LRRFIP2: variants seen among roughly 807,000 people sequenced by gnomAD.
LRRFIP2 encodes leucine-rich repeat flightless-interacting protein 2.
In LRRFIP2, 109 loss-of-function variants were observed where a neutral mutation model predicts 125.9. The observed-to-expected ratio is 0.87, with a 90% confidence interval of 0.74 to 1.01. The LOEUF is 1.01. LRRFIP2 is among the 50% of genes least tolerant of loss of function. The pLI is 0.00. For missense variants in LRRFIP2, 850 were observed against 862.3 expected, an observed-to-expected ratio of 0.99 and a Z score of 0.18; for synonymous variants, 291 against 293.1, an observed-to-expected ratio of 0.99 and a Z score of 0.07.
chr3:37,083,463 TAA>T (rs1044439398), intron 19 of LRRFIP2, among the ~76,000 whole-genome samples, 171 bp downstream of exon 19: 1 of 152,064 alleles, frequency 6.6e-6, no homozygotes, highest in Non-Finnish European at 1.5e-5. Context: ...TTTTTTTAAA[TAA>T]AAAAAGAGTC....
intron 25 of LRRFIP2, among the ~76,000 whole-genome samples, chr3:37,056,837 A>G (rs2087029496): frequency 2.0e-5 from 3 of 152,154 alleles, no homozygotes; most frequent in Admixed American, 2.0e-4. Flanking sequence ...GCCCTAAAAC[A>G]AGCTTCAGGA....
At chr3:37,091,192 A>G (rs758807204) in intron 18 of LRRFIP2, among the ~76,000 whole-genome samples, 76 of 151,938 alleles carry the variant, frequency 5.0e-4, no homozygotes, top group Non-Finnish European at 7.6e-4. Context: ...CCTGGGCAAC[A>G]CAGTAAGATC....
rs117118264 is a variant in LRRFIP2, at chr3:37,125,271, A to G, written c.228+2359T>C. Among the ~76,000 whole-genome samples, 95 of 152,302 alleles carry G rather than the reference A, an allele frequency of 6.2e-4. 4 individuals are homozygous for G. The East Asian group carries it at 0.017, about 28-fold the overall frequency. ...TTCCTTCAGTTTCAAATTAGAAGGA[A>G]CTTCAAAAACCGTATTTACTCTTCA... is the stretch of plus-strand genomic sequence containing the variant. On this transcript the variant is annotated intron_variant, in intron 4 of 27. Coordinates refer to ENST00000336686, the MANE Select transcript of LRRFIP2 (RefSeq NM_006309.4).
At chr3:37,173,652 T>C (rs911377454) in intron 1 of LRRFIP2, among the ~76,000 whole-genome samples, 9 of 152,172 alleles carry the variant, frequency 5.9e-5, no homozygotes, top group African/African-American at 2.2e-4. Context: ...CAGAAGAATT[T>C]TATTTCCTTC....
chr3:37,107,108 C>G (rs975243482), intron 13 of LRRFIP2, among the ~76,000 whole-genome samples: 2 of 151,920 alleles, frequency 1.3e-5, no homozygotes, highest in African/African-American at 2.4e-5. Context: ...TTCACCATGT[C>G]GGTCAGGCTA....
At chr3:37,087,733 C>G (rs1237532128) in intron 18 of LRRFIP2, among the ~76,000 whole-genome samples, 1 of 152,106 alleles carries the variant, frequency 6.6e-6, no homozygotes, top group Non-Finnish European at 1.5e-5. Flanking sequence ...GGATTATAGG[C>G]TCCCGCCACC....
At chr3:37,147,294 T>C (rs2095879783) in intron 2 of LRRFIP2, among the ~76,000 whole-genome samples, 2 of 152,174 alleles carry the variant, frequency 1.3e-5, no homozygotes, top group Admixed American at 6.5e-5. Flanking sequence ...TAGAAGACAG[T>C]GTGGTGATTC....
intron 1 of LRRFIP2, among the ~76,000 whole-genome samples, chr3:37,155,738 T>C (rs973789412): frequency 1.3e-5 from 2 of 152,230 alleles, no homozygotes; most frequent in Non-Finnish European, 2.9e-5. Context: ...ATCATGTGCA[T>C]GCTAAAATAT....
chr3:37,163,579 A>G (rs918420917), intron 1 of LRRFIP2, among the ~76,000 whole-genome samples: 3 of 152,182 alleles, frequency 2.0e-5, no homozygotes, highest in African/African-American at 7.2e-5. Flanking sequence ...GGAACAGACC[A>G]CCACTCTGTC....
chr3:37,111,779 G>A (rs3774322), intron 8 of LRRFIP2: 128,799 of 151,674 alleles, frequency 0.85, 55,292 homozygotes, highest in African/African-American at 0.97. Context: ...TTCCCACACC[G>A]CTCCTCACTC....
In LRRFIP2 at chr3:37,129,134, C is replaced by T; in HGVS notation, c.106G>A (p.Ala36Thr). 1.2e-6 allele frequency: 2 copies of T among 1,613,880 alleles called. No individual in the cohort carries two copies. Among genetic ancestry groups the T allele is most frequent in the Non-Finnish European group, 1.7e-6 (2 of 1,179,988 alleles). Residue 36 changes from alanine (A) to threonine (T), a missense_variant, in exon 3 of 28, where the codon GCA (alanine) becomes ACA (threonine). Transcript: ENST00000336686. ...NIAREAEARL[A>T]AKRAARAEAR... Reference sequence around the variant, plus strand: ...TCTGCCCGGGCAGCCCGTTTTGCTGCCAGCCTTGCCTCTGCCTGAAAAGTA... The same window carrying T: ...TCTGCCCGGGCAGCCCGTTTTGCTGTCAGCCTTGCCTCTGCCTGAAAAGTA...
intron 19 of LRRFIP2, among the ~76,000 whole-genome samples, chr3:37,077,062 C>T (rs1161697164): frequency 2.0e-5 from 3 of 152,106 alleles, no homozygotes; most frequent in South Asian, 2.1e-4. Flanking sequence ...CAGAACAGAA[C>T]TATGGGGAAA....
intron 14 of LRRFIP2, among the ~76,000 whole-genome samples, chr3:37,103,927 A>C (rs2094194297): frequency 6.6e-6 from 1 of 152,112 alleles, no homozygotes; most frequent in Non-Finnish European, 1.5e-5. Context: ...ACAAACATTT[A>C]TTTAATTTTA....
intron 25 of LRRFIP2, among the ~76,000 whole-genome samples, chr3:37,056,108 C>T (rs1575712329): frequency 6.6e-6 from 1 of 152,146 alleles, no homozygotes; most frequent in Non-Finnish European, 1.5e-5. Flanking sequence ...TAGCCAAGTG[C>T]ACACAGTGTA....
At chr3:37,072,991 G>C in intron 20 of LRRFIP2, 109 bp from the exon 21 acceptor site, 1 of 676,830 alleles carries the variant, frequency 1.5e-6, no homozygotes, top group Non-Finnish European at 2.5e-6. Context: ...AACCAAAAGG[G>C]AAAGTCTGTG....
At chr3:37,059,817 G>A (rs2088038842) in intron 24 of LRRFIP2, among the ~76,000 whole-genome samples, 1 of 139,504 alleles carries the variant, frequency 7.2e-6, no homozygotes, top group African/African-American at 2.5e-5. Context: ...AATAATAATT[G>A]GATACATAGA....
At chr3:37,136,899 T>C (rs2095566800) in intron 2 of LRRFIP2, among the ~76,000 whole-genome samples, 1 of 147,352 alleles carries the variant, frequency 6.8e-6, no homozygotes, top group African/African-American at 2.5e-5. Context: ...AGATAATATA[T>C]CTACCATGGT....
chr3:37,100,361 C>CATACATACATGTAT (rs2093956841), intron 15 of LRRFIP2, among the ~76,000 whole-genome samples: 1 of 144,922 alleles, frequency 6.9e-6, no homozygotes, highest in African/African-American at 2.8e-5. Flanking sequence ...TATATATATA[C>CATACATACATGTAT]ACATACATAC....
chr3:37,084,338 G>A (rs866240484), intron 18 of LRRFIP2, among the ~76,000 whole-genome samples: 4 of 152,136 alleles, frequency 2.6e-5, no homozygotes, highest in South Asian at 4.2e-4. Flanking sequence ...TTTCAATCAT[G>A]TTTAAATAAG....
Sources: allele counts gnomAD v4.1 joint callset (sites outside exome capture counted in the v4.1 genomes callset), GRCh38; gene constraint gnomAD v4.1.1; transcripts MANE v1.5; gene names NCBI Gene and HGNC (gene_info 2026-07-23, HGNC 2026-07-21).